Variants in EYS observed in about 807,000 individuals in gnomAD.
EYS encodes the protein protein eyes shut homolog.
EYS carries 250 observed loss-of-function variants against 282.1 expected under a neutral mutation model. That is an observed-to-expected ratio of 0.89 (90% CI 0.80 to 0.98). The LOEUF is 0.98. EYS is among the 50% of genes least tolerant of loss of function. The pLI is 0.00. For missense variants in EYS, 4,016 were observed against 3,709.0 expected, an observed-to-expected ratio of 1.08 and a Z score of -2.15; for synonymous variants, 1,355 against 1,282.9, an observed-to-expected ratio of 1.06 and a Z score of -1.20.
chr6:63,918,998 T>G (rs939773224), intron 35 of EYS, among the ~76,000 whole-genome samples: 2 of 152,180 alleles, frequency 1.3e-5, no homozygotes, highest in African/African-American at 4.8e-5. Context: ...TTCAGGGTAA[T>G]TGGGTACCCA....
intron 1 of EYS, among the ~76,000 whole-genome samples, chr6:65,662,513 C>T (rs954917495): frequency 1.3e-5 from 2 of 152,158 alleles, no homozygotes; most frequent in African/African-American, 2.4e-5. Flanking sequence ...TTGTTACATA[C>T]TTATACAATT....
intron 29 of EYS, among the ~76,000 whole-genome samples, chr6:64,312,837 C>T (rs1769774583): frequency 6.6e-6 from 1 of 152,174 alleles, no homozygotes; most frequent in Non-Finnish European, 1.5e-5. Flanking sequence ...ATAACATCAA[C>T]ATCAACAAAA....
At chr6:64,758,838 A>T (rs1049311278) in intron 22 of EYS, among the ~76,000 whole-genome samples, 2 of 152,134 alleles carry the variant, frequency 1.3e-5, no homozygotes, top group African/African-American at 4.8e-5. Context: ...ATCACCAATG[A>T]TAGTAGAAAA....
chr6:65,139,187 C>T (rs530679593), intron 12 of EYS, among the ~76,000 whole-genome samples: 105 of 152,156 alleles, frequency 6.9e-4, no homozygotes, highest in Non-Finnish European at 1.1e-3. Context: ...AACCTAGATG[C>T]CCATCAATGG....
intron 35 of EYS, among the ~76,000 whole-genome samples, chr6:63,969,071 T>A (rs925718800): frequency 9.8e-5 from 15 of 152,324 alleles, no homozygotes; most frequent in African/African-American, 3.1e-4. Context: ...TTTCTGAGTG[T>A]TTTCACAGTG....
intron 8 of EYS, among the ~76,000 whole-genome samples, chr6:65,374,502 G>GTTTTT (rs70999201): frequency 1.2e-4 from 17 of 144,608 alleles, no homozygotes; most frequent in African/African-American, 2.8e-4. Context: ...TACCTGCGGA[G>GTTTTT]TTTTTTTTTT....
chr6:64,805,841 T>C (rs1489557080), intron 22 of EYS, among the ~76,000 whole-genome samples: 1 of 151,420 alleles, frequency 6.6e-6, no homozygotes, highest in East Asian at 1.9e-4. Flanking sequence ...CCCAAGGAAA[T>C]TTGAAATTCT....
intron 19 of EYS, among the ~76,000 whole-genome samples, chr6:64,846,561 T>A (rs976998526): frequency 6.6e-6 from 1 of 152,082 alleles, no homozygotes; most frequent in East Asian, 1.9e-4. Context: ...GAAATCATAG[T>A]TGATATAGAA....
chr6:65,418,153 C>T (rs973586427), intron 5 of EYS, among the ~76,000 whole-genome samples: 7 of 151,970 alleles, frequency 4.6e-5, no homozygotes, highest in East Asian at 1.9e-4. Flanking sequence ...CATGGGACTA[C>T]GTTGTACATA....
chr6:64,659,598 C>G (rs1314408717), intron 22 of EYS, among the ~76,000 whole-genome samples: 2 of 152,082 alleles, frequency 1.3e-5, no homozygotes, highest in African/African-American at 4.8e-5. Flanking sequence ...TCAGAGAATA[C>G]TATAAACACC....
chr6:65,082,651 T>G (rs553699783), intron 12 of EYS, among the ~76,000 whole-genome samples: 1 of 152,164 alleles, frequency 6.6e-6, no homozygotes, highest in South Asian at 2.1e-4. Flanking sequence ...CATTGCATTT[T>G]TCCTACACTC....
In EYS at chr6:64,119,689, A is replaced by C. The variant is rs188426658; in HGVS notation, c.6425-37687T>G. Among the ~76,000 whole-genome samples the C allele has an allele frequency of 4.3e-3, 660 of 152,366 alleles. 2 individuals are homozygous for C. The highest frequency in any genetic ancestry group is 8.1e-3 in the South Asian group (39 of 4,834). The stretch of plus-strand genomic sequence containing the variant: ...ACTTAATATAGCTAAGGATATAGAC[A>C]GAGATTTTAATTCAACTTTTTTATT... On this transcript the variant is annotated intron_variant, in intron 31 of 42. Coordinates refer to ENST00000503581, the MANE Select transcript of EYS (RefSeq NM_001142800.2).
chr6:64,330,053 T>G (rs897002155), intron 29 of EYS, among the ~76,000 whole-genome samples: 16 of 152,114 alleles, frequency 1.1e-4, no homozygotes, highest in African/African-American at 3.6e-4. Flanking sequence ...CCTGAAGGCT[T>G]TCATGCCACC....
intron 35 of EYS, among the ~76,000 whole-genome samples, chr6:63,964,302 A>G (rs1358468869): frequency 1.3e-5 from 2 of 152,238 alleles, no homozygotes; most frequent in East Asian, 1.9e-4. Context: ...AGATTAGTTC[A>G]GATCTTAAAG....
intron 12 of EYS, among the ~76,000 whole-genome samples, chr6:65,063,206 CAATATTT>C (rs1458090923): frequency 4.0e-5 from 6 of 151,886 alleles, no homozygotes; most frequent in Admixed American, 6.6e-5. Context: ...TTTCAATCTT[CAATATTT>C]ATGAATATCA....
intron 22 of EYS, among the ~76,000 whole-genome samples, chr6:64,774,414 A>G (rs1773617354): frequency 6.6e-6 from 1 of 151,930 alleles, no homozygotes; most frequent in African/African-American, 2.4e-5. Context: ...ATCTGGGAGC[A>G]CACCTAGACC....
intron 35 of EYS, among the ~76,000 whole-genome samples, chr6:63,943,293 A>T (rs1177039277): frequency 6.6e-6 from 1 of 152,232 alleles, no homozygotes; most frequent in Non-Finnish European, 1.5e-5. Context: ...GAGTTAACTT[A>T]CTTAGGTGGC....
At chr6:65,513,830 C>T (rs1011756557) in intron 2 of EYS, among the ~76,000 whole-genome samples, 15 of 151,754 alleles carry the variant, frequency 9.9e-5, no homozygotes, top group East Asian at 7.8e-4. Context: ...CCACAGCCGA[C>T]ATCATACTGA....
chr6:64,373,684 C>T (rs1772464749), intron 29 of EYS, among the ~76,000 whole-genome samples: 1 of 152,144 alleles, frequency 6.6e-6, no homozygotes. Flanking sequence ...GCAGGTATGG[C>T]TCACCTGGCT....
Sources: gnomAD v4.1 joint callset for allele counts (sites outside exome capture counted in the v4.1 genomes callset) on GRCh38, gnomAD v4.1.1 for gene constraint, MANE v1.5 for transcripts, NCBI Gene and HGNC (gene_info 2026-07-23, HGNC 2026-07-21) for gene names.